Variants in METAP1 observed in about 807,000 individuals in gnomAD.
METAP1 encodes the protein methionyl aminopeptidase 1.
In METAP1, 28 loss-of-function variants were observed where a neutral mutation model predicts 53.8. That is an observed-to-expected ratio of 0.52 (90% CI 0.39 to 0.71). The LOEUF (loss-of-function observed/expected upper bound fraction) is 0.71, where lower values mean the gene tolerates loss of function less well. METAP1 is among the 30% of genes least tolerant of loss of function. The probability of loss-of-function intolerance (pLI) is 0.00; values close to 1 mark genes in which losing one functional copy is unlikely to be tolerated. For synonymous variants in METAP1, 181 were observed against 165.7 expected (o/e 1.09, Z -0.71); for missense variants, 389 against 479.8 (o/e 0.81, Z 1.77).
chr4:99,028,900 T>G lies in METAP1; in HGVS notation c.148T>G (p.Leu50Val). 1 of 1,546,080 alleles carries G rather than the reference T, an allele frequency of 6.5e-7. No homozygotes were observed. The highest frequency in any genetic ancestry group is 8.7e-7 in the Non-Finnish European group (1 of 1,143,728). ...CFKGSWATHK[L>V]LHKKAKDEKA... Reference sequence around the variant, plus strand: ...TAAAGGAAGTTGGGCTACTCACAAGTTACTACATAAGAAAGCAAGTAAGTA... The same window carrying G: ...TAAAGGAAGTTGGGCTACTCACAAGGTACTACATAAGAAAGCAAGTAAGTA... Residue 50 changes from leucine to valine, a missense_variant, in exon 2 of 11, where the codon TTA (leucine) becomes GTA (valine). By Grantham distance (32) the Leu-to-Val change is conservative. Transcript: ENST00000296411.
chr4:99,043,121 A>C, intron 6 of METAP1, 128 bp from the exon 7 acceptor site: 1 of 709,042 alleles, frequency 1.4e-6, no homozygotes, highest in Non-Finnish European at 2.3e-6. Context: ...ACTGTTACTA[A>C]AATAAAATAC....
At chr4:99,040,296 T>TG (rs1294993147) in intron 5 of METAP1, among the ~76,000 whole-genome samples, 5 of 152,212 alleles carry the variant, frequency 3.3e-5, no homozygotes, top group Non-Finnish European at 5.9e-5. Flanking sequence ...ACTCATTAGG[T>TG]GAAATCACAT....
intron 1 of METAP1, among the ~76,000 whole-genome samples, chr4:99,020,726 A>G (rs1324148000): frequency 1.3e-5 from 2 of 152,198 alleles, no homozygotes; most frequent in Non-Finnish European, 1.5e-5. Flanking sequence ...TGCTATTAAC[A>G]TACAGTATTA....
intron 1 of METAP1, among the ~76,000 whole-genome samples, chr4:99,019,033 C>T (rs1579261504): frequency 6.6e-6 from 1 of 152,330 alleles, no homozygotes; most frequent in Middle Eastern, 3.4e-3. Flanking sequence ...CAAGACCTAA[C>T]TTTAGCATTA....
chr4:99,031,896 G>A (rs1055254123), intron 2 of METAP1, among the ~76,000 whole-genome samples: 1 of 152,164 alleles, frequency 6.6e-6, no homozygotes, highest in Non-Finnish European at 1.5e-5. Flanking sequence ...TGGGACTGTT[G>A]CATTGTGATG....
intron 9 of METAP1, among the ~76,000 whole-genome samples, chr4:99,055,549 C>A (rs970023822): frequency 6.6e-6 from 1 of 152,054 alleles, no homozygotes; most frequent in Non-Finnish European, 1.5e-5. Context: ...AGAGTGTCTG[C>A]GATAGTATAG....
At chr4:99,050,267 C>T (rs1326520992) in intron 9 of METAP1, among the ~76,000 whole-genome samples, 1 of 152,112 alleles carries the variant, frequency 6.6e-6, no homozygotes, top group Non-Finnish European at 1.5e-5. Flanking sequence ...GTGCCAAATG[C>T]CAGACTGAAG....
chr4:99,004,472 CACACACACACAT>C (rs1298767127), intron 1 of METAP1, among the ~76,000 whole-genome samples: 276 of 16,772 alleles, frequency 0.016, 3 homozygotes, highest in African/African-American at 0.047. Context: ...CACACACACA[CACACACACACAT>C]ACACACACAC....
chr4:99,022,867 C>G, intron 1 of METAP1: 1 of 1,541,862 alleles, frequency 6.5e-7, no homozygotes, highest in Non-Finnish European at 8.8e-7. Context: ...GCTGCTGCTG[C>G]CTTCTTTTTG....
At chr4:99,024,446 G>A (rs945193509) in intron 1 of METAP1, among the ~76,000 whole-genome samples, 2 of 152,148 alleles carry the variant, frequency 1.3e-5, no homozygotes, top group Non-Finnish European at 2.9e-5. Context: ...TTTGGTTGGG[G>A]GGTGGGCAGT....
Position 99,039,397 on chromosome 4 carries a change from C to T in METAP1, c.364C>T (p.Leu122Phe), listed in dbSNP as rs763770814. ...PLGMSESEQA[L>F]KGTSQIKLLS... ...AGGAATGTCTGAATCTGAACAGGCT[C>T]TTAAAGGTACTTCTCAGATTAAATT... is the stretch of plus-strand genomic sequence containing the variant. Residue 122 changes from leucine (L) to phenylalanine (F), a missense_variant, in exon 5 of 11, where the codon CTT becomes TTT. Physicochemically the swap from Leu to Phe is conservative, Grantham distance 22. Transcript: ENST00000296411. The T allele has an allele frequency of 5.6e-6, 9 of 1,610,542 alleles. No individual in the cohort carries two copies. The highest frequency in any genetic ancestry group is 7.6e-6 in the Non-Finnish European group (9 of 1,177,682).
chr4:99,008,282 A>G (rs1204480458), intron 1 of METAP1, among the ~76,000 whole-genome samples: 1 of 152,218 alleles, frequency 6.6e-6, no homozygotes, highest in African/African-American at 2.4e-5. Context: ...AGGTAATAGC[A>G]AGTAGATTAG....
At chr4:99,037,653 G>A (rs1272233629) in intron 4 of METAP1, 2 of 151,732 alleles carry the variant, frequency 1.3e-5, no homozygotes, top group African/African-American at 4.8e-5. Context: ...ATTCTATTCT[G>A]TTTTATTAAC....
At chr4:99,002,972 A>AG (rs1722992048) in intron 1 of METAP1, among the ~76,000 whole-genome samples, 1 of 152,170 alleles carries the variant, frequency 6.6e-6, no homozygotes, top group South Asian at 2.1e-4. Flanking sequence ...CAGGAGGCTG[A>AG]GGCACAAGAA....
intron 9 of METAP1, among the ~76,000 whole-genome samples, chr4:99,053,010 C>A (rs960209095): frequency 6.6e-6 from 1 of 152,180 alleles, no homozygotes; most frequent in Admixed American, 6.5e-5. Flanking sequence ...CTCAACTGTT[C>A]AAGTTTCATC....
At chr4:99,020,135 C>G (rs946361045) in intron 1 of METAP1, among the ~76,000 whole-genome samples, 2 of 152,096 alleles carry the variant, frequency 1.3e-5, no homozygotes, top group Non-Finnish European at 2.9e-5. Context: ...CTCTGCAGAT[C>G]ATGTTCCGCT....
chr4:99,060,961 T>C (rs1727507635), intron 10 of METAP1, among the ~76,000 whole-genome samples, 193 bp from the exon 11 acceptor site: 2 of 152,192 alleles, frequency 1.3e-5, no homozygotes, highest in African/African-American at 4.8e-5. Flanking sequence ...ATATAAAAAA[T>C]GTGGTTGTAA....
chr4:99,030,575 T>A (rs185627423), intron 2 of METAP1, among the ~76,000 whole-genome samples: 197 of 152,146 alleles, frequency 1.3e-3, no homozygotes, highest in African/African-American at 4.7e-3. Context: ...CCACAGTAAA[T>A]TTTGAGTGAC....
At chr4:99,048,695 G>A in intron 8 of METAP1, 38 bp from the exon 9 acceptor site, 2 of 1,601,426 alleles carry the variant, frequency 1.2e-6, no homozygotes, top group Non-Finnish European at 1.7e-6. Context: ...GTACGTATTA[G>A]TTATTAGTTT....
Sources: allele counts gnomAD v4.1 joint callset (sites outside exome capture counted in the v4.1 genomes callset), GRCh38; gene constraint gnomAD v4.1.1; transcripts MANE v1.5; gene names NCBI Gene and HGNC (gene_info 2026-07-23, HGNC 2026-07-21).